DDHD1: variants seen among roughly 807,000 people sequenced by gnomAD.
The protein encoded by DDHD1 is DDHD domain containing 1, also known as phospholipase DDHD1.
In DDHD1, 49 loss-of-function variants were observed where a neutral mutation model predicts 96.4. That is an observed-to-expected ratio of 0.51 (90% confidence interval 0.40 to 0.64). The LOEUF (loss-of-function observed/expected upper bound fraction) is 0.64, where lower values mean the gene tolerates loss of function less well. Ranked by LOEUF, DDHD1 falls within the 30% of genes least tolerant of loss-of-function variation. DDHD1 has a pLI of 0.00. For synonymous variants in DDHD1, 442 were observed against 446.5 expected (o/e 0.99, Z 0.13); for missense variants, 1,106 against 1,161.2 (o/e 0.95, Z 0.69).
intron 1 of DDHD1, among the ~76,000 whole-genome samples, chr14:53,126,646 G>A (rs1190835588): frequency 3.9e-5 from 6 of 152,174 alleles, no homozygotes; most frequent in Non-Finnish European, 1.5e-5. Flanking sequence ...GGGATTATAG[G>A]CATGAGCCAC....
chr14:53,127,855 T>C (rs776942768), intron 1 of DDHD1, among the ~76,000 whole-genome samples: 28 of 152,196 alleles, frequency 1.8e-4, no homozygotes, highest in Admixed American at 3.9e-4. Context: ...AGTTGTATAG[T>C]TGTATGAACC....
At chr14:53,150,351 C>A (rs534898874) in intron 1 of DDHD1, among the ~76,000 whole-genome samples, 36 of 152,304 alleles carry the variant, frequency 2.4e-4, no homozygotes, top group Admixed American at 2.1e-3. Flanking sequence ...CTGTATTCCC[C>A]CACTAGACTA....
At chr14:53,137,247 C>A (rs1000467806) in intron 1 of DDHD1, among the ~76,000 whole-genome samples, 17 of 152,036 alleles carry the variant, frequency 1.1e-4, no homozygotes, top group Non-Finnish European at 1.5e-5. Context: ...TTCAAGAAAA[C>A]AGCAATAGAA....
intron 6 of DDHD1, among the ~76,000 whole-genome samples, chr14:53,071,218 C>T (rs764762006): frequency 2.0e-5 from 3 of 152,102 alleles, no homozygotes; most frequent in Non-Finnish European, 4.4e-5. Context: ...TCTATCTCTA[C>T]AGCCCATATA....
At chr14:53,049,045 A>G (rs1566512033) in intron 12 of DDHD1, 1 of 146,764 alleles carries the variant, frequency 6.8e-6, no homozygotes. Context: ...TGTTTATAAC[A>G]TGTGTTATTT....
chr14:53,073,687 A>G, intron 5 of DDHD1, 54 bp downstream of exon 5: 1 of 1,467,476 alleles, frequency 6.8e-7, no homozygotes, highest in South Asian at 1.2e-5. Context: ...TTCTGCATTT[A>G]TTTTGGTAAA....
At chr14:53,096,198 A>C (rs1218466924) in intron 2 of DDHD1, 72 of 985,100 alleles carry the variant, frequency 7.3e-5, no homozygotes, top group Non-Finnish European at 8.4e-5. Context: ...GGGAGGGAGA[A>C]GGGAGGGAGG....
intron 12 of DDHD1, among the ~76,000 whole-genome samples, chr14:53,049,238 C>T (rs1303501631): frequency 2.0e-5 from 3 of 152,208 alleles, no homozygotes; most frequent in East Asian, 3.9e-4. Flanking sequence ...TTGACTCCAT[C>T]TATCCTTCCA....
chr14:53,068,696 T>C (rs1294795776), intron 6 of DDHD1, among the ~76,000 whole-genome samples: 4 of 152,258 alleles, frequency 2.6e-5, no homozygotes, highest in Non-Finnish European at 2.9e-5. Flanking sequence ...AGGTGCATAA[T>C]GTCCATCTGC....
At chr14:53,140,177 G>C (rs1463002745) in intron 1 of DDHD1, among the ~76,000 whole-genome samples, 1 of 152,140 alleles carries the variant, frequency 6.6e-6, no homozygotes, top group Non-Finnish European at 1.5e-5. Flanking sequence ...AAACAGAATA[G>C]AGCATCCATG....
Position 53,063,023 on chromosome 14 carries a change from C to T in DDHD1, c.1686G>A (p.Lys562=). ...PVRLYEQLLQ[K]EEELPDERWM... ...ATCGTTCATCAGGCAACTCTTCTTC[C>T]TTTTGCAGCAACTGTTCATACAGCC... The change falls in exon 7 of 13, where the codon AAG becomes AAA. Residue 562 remains lysine (K), a synonymous_variant. Coordinates refer to ENST00000673822, the MANE Select transcript of DDHD1 (RefSeq NM_001160148.2). 1 of 1,614,116 alleles carries T rather than the reference C, an allele frequency of 6.2e-7. No homozygotes were observed. Among genetic ancestry groups the T allele is most frequent in the Non-Finnish European group, 8.5e-7 (1 of 1,180,002 alleles).
intron 1 of DDHD1, among the ~76,000 whole-genome samples, chr14:53,134,883 C>T (rs1890119821): frequency 2.0e-5 from 3 of 152,118 alleles, no homozygotes; most frequent in African/African-American, 4.8e-5. Flanking sequence ...AGGCCATCAC[C>T]AATCATTCTA....
chr14:53,111,575 G>C (rs1566575322), intron 1 of DDHD1, among the ~76,000 whole-genome samples: 1 of 152,076 alleles, frequency 6.6e-6, no homozygotes. Flanking sequence ...AAGCTGTTAT[G>C]CATTACTAAG....
At chr14:53,074,925 C>T (rs1884825631) in intron 4 of DDHD1, among the ~76,000 whole-genome samples, 1 of 152,076 alleles carries the variant, frequency 6.6e-6, no homozygotes, top group African/African-American at 2.4e-5. Context: ...TTCAAATTTT[C>T]TCATTATTAT....
chr14:53,063,919 C>T (rs1883808305), intron 6 of DDHD1, among the ~76,000 whole-genome samples: 2 of 152,040 alleles, frequency 1.3e-5, no homozygotes, highest in African/African-American at 2.4e-5. Context: ...ACAAATATTA[C>T]TGAAATATTC....
At chr14:53,084,707 C>G (rs975034074) in intron 4 of DDHD1, among the ~76,000 whole-genome samples, 3 of 152,170 alleles carry the variant, frequency 2.0e-5, no homozygotes, top group African/African-American at 4.8e-5. Context: ...CCAGCTTGAT[C>G]GATGCAGAAG....
intron 1 of DDHD1, among the ~76,000 whole-genome samples, chr14:53,150,251 T>C (rs1170337877): frequency 7.9e-5 from 12 of 152,204 alleles, no homozygotes; most frequent in Admixed American, 7.9e-4. Flanking sequence ...CTTCATTAAA[T>C]TCATCCTGTA....
chr14:53,123,276 A>T (rs1889153495), intron 1 of DDHD1, among the ~76,000 whole-genome samples: 1 of 151,868 alleles, frequency 6.6e-6, no homozygotes, highest in South Asian at 2.1e-4. Flanking sequence ...CCTCCCAAGT[A>T]GCTGGAATTA....
At chr14:53,086,098 A>T (rs1029195900) in intron 4 of DDHD1, among the ~76,000 whole-genome samples, 1 of 152,210 alleles carries the variant, frequency 6.6e-6, no homozygotes, top group African/African-American at 2.4e-5. Flanking sequence ...AGAAGTTAAG[A>T]GAAAAAAGAG....
Sources: allele counts gnomAD v4.1 joint callset (sites outside exome capture counted in the v4.1 genomes callset), GRCh38; gene constraint gnomAD v4.1.1; transcripts MANE v1.5; gene names NCBI Gene and HGNC (gene_info 2026-07-23, HGNC 2026-07-21).